Variants in OR3A3 observed in about 807,000 individuals in gnomAD.
OR3A3 encodes the protein olfactory receptor 3A3.
For synonymous variants in OR3A3, 103 were observed against 163.9 expected, an observed-to-expected ratio of 0.63 and a Z score of 2.84; for missense variants, 275 against 391.4, an observed-to-expected ratio of 0.70 and a Z score of 2.51.
intron 2 of OR3A3, among the ~76,000 whole-genome samples, chr17:3,413,630 T>C (rs1316241603): frequency 6.6e-6 from 1 of 152,018 alleles, no homozygotes; most frequent in Admixed American, 6.6e-5. Flanking sequence ...CTGGTCAACA[T>C]GGTGAAACCC....
intron 2 of OR3A3, among the ~76,000 whole-genome samples, chr17:3,418,695 C>T (rs1468910337): frequency 6.6e-6 from 1 of 152,200 alleles, no homozygotes; most frequent in Non-Finnish European, 1.5e-5. Context: ...CCCTGAATTT[C>T]ACTGCCCCAG....
chr17:3,415,524 G>A (rs909993423), intron 2 of OR3A3, among the ~76,000 whole-genome samples: 7 of 142,644 alleles, frequency 4.9e-5, no homozygotes, highest in African/African-American at 2.6e-5. Flanking sequence ...TCATGCCACT[G>A]CACTCCAGCC....
chr17:3,418,999 C>T (rs570927373), intron 2 of OR3A3, among the ~76,000 whole-genome samples: 1 of 152,274 alleles, frequency 6.6e-6, no homozygotes, highest in South Asian at 2.1e-4. Context: ...ATGTAGAACC[C>T]TAACTGCACC....
At chr17:3,417,001 A>G (rs1457719973) in intron 2 of OR3A3, among the ~76,000 whole-genome samples, 1 of 152,010 alleles carries the variant, frequency 6.6e-6, no homozygotes, top group Non-Finnish European at 1.5e-5. Flanking sequence ...CCAGCCTCCA[A>G]TCACCACCAT....
chr17:3,414,363 G>T (rs534569362), intron 2 of OR3A3, among the ~76,000 whole-genome samples: 1 of 152,244 alleles, frequency 6.6e-6, no homozygotes, highest in Admixed American at 6.5e-5. Context: ...GAGCCACCAT[G>T]GCCGGCCAGG....
chr17:3,420,054 A>G (rs1413112211), intron 2 of OR3A3, among the ~76,000 whole-genome samples: 2 of 152,318 alleles, frequency 1.3e-5, no homozygotes, highest in South Asian at 4.1e-4. Context: ...GGCATGAGCC[A>G]CTGCGCCCGG....
chr17:3,421,316 G>A (rs764132532), exon 3 of OR3A3: 4 of 1,614,210 alleles, frequency 2.5e-6, no homozygotes, highest in Non-Finnish European at 3.4e-6. Context: ...TTCTCCACAT[G>A]TGGCTCCCAC....
At chr17:3,418,646 C>G (rs1321614692) in intron 2 of OR3A3, among the ~76,000 whole-genome samples, 1 of 152,176 alleles carries the variant, frequency 6.6e-6, no homozygotes, top group Admixed American at 6.5e-5. Flanking sequence ...TACTACAGCA[C>G]TCTGATTTCT....
rs775956356 is a variant in OR3A3, at chr17:3,421,452, C to T, written c.867C>T (p.Asn289=). Reference sequence around the variant, plus strand: ...TGACTGTGATCAACCCCATGCTGAACCCACTTATCTACAGCCTCAGAAATA... The same window carrying T: ...TGACTGTGATCAACCCCATGCTGAATCCACTTATCTACAGCCTCAGAAATA... The change falls in exon 3 of 3, where the codon AAC becomes AAT. Residue 289 remains asparagine, a synonymous_variant. Coordinates refer to ENST00000641141, the Ensembl canonical transcript of OR3A3. The T allele has an allele frequency of 1.0e-5, 16 of 1,595,608 alleles. No homozygotes were observed. In the East Asian group the frequency reaches 3.6e-4, roughly 36 times the overall value.
exon 3 of OR3A3, chr17:3,421,235 T>C: frequency 1.2e-6 from 2 of 1,614,210 alleles, no homozygotes; most frequent in East Asian, 2.2e-5. Flanking sequence ...TTGGTCTTCA[T>C]CAGTGTGTCC....
At chr17:3,420,502 C>A in intron 2 of OR3A3, 78 bp from the exon 3 acceptor site, 1 of 1,559,936 alleles carries the variant, frequency 6.4e-7, no homozygotes, top group Admixed American at 1.8e-5. Context: ...CGCCACGGGG[C>A]TTTGAACATA....
intron 2 of OR3A3, among the ~76,000 whole-genome samples, chr17:3,418,177 T>C (rs1464337190): frequency 6.6e-6 from 1 of 152,246 alleles, no homozygotes; most frequent in Non-Finnish European, 1.5e-5. Context: ...TTCTGAGTGT[T>C]TGTAGTCTAG....
intron 2 of OR3A3, among the ~76,000 whole-genome samples, chr17:3,417,669 T>C (rs1027193018): frequency 6.6e-6 from 1 of 152,212 alleles, no homozygotes; most frequent in Non-Finnish European, 1.5e-5. Context: ...TTTGTCTTAA[T>C]AGAAAATTCT....
chr17:3,418,223 C>A (rs577462916), intron 2 of OR3A3, among the ~76,000 whole-genome samples: 43 of 152,286 alleles, frequency 2.8e-4, no homozygotes, highest in African/African-American at 9.6e-4. Flanking sequence ...TCTACCCTCC[C>A]CATTTTTTTC....
intron 2 of OR3A3, among the ~76,000 whole-genome samples, chr17:3,416,359 C>T (rs1011791027): frequency 1.5e-4 from 23 of 152,008 alleles, no homozygotes; most frequent in African/African-American, 5.1e-4. Context: ...GGTAAAATTA[C>T]TGAAATAAAT....
intron 2 of OR3A3, among the ~76,000 whole-genome samples, chr17:3,419,164 C>G (rs1023933122): frequency 1.3e-5 from 2 of 152,182 alleles, no homozygotes; most frequent in Non-Finnish European, 2.9e-5. Flanking sequence ...ATTAATTGAA[C>G]AAGGAGTGTT....
rs557695254 is a variant in OR3A3, at chr17:3,420,085, C to T, written c.-6-495C>T. On this transcript the variant is annotated intron_variant, in intron 2 of 2. Transcript: ENST00000641141. ...CCCGGGGAAAATTCTATCTTAATCT[C>T]ACTATATTCAAAAAGGAAGTCTTTT... Among the ~76,000 whole-genome samples, 24 of 152,218 alleles carry T rather than the reference C, an allele frequency of 1.6e-4. No individual in the cohort carries two copies. The East Asian group carries it at 4.4e-3, about 28-fold the overall frequency.
intron 2 of OR3A3, among the ~76,000 whole-genome samples, chr17:3,419,018 A>C (rs2072409408): frequency 6.6e-6 from 1 of 152,178 alleles, no homozygotes; most frequent in Non-Finnish European, 1.5e-5. Context: ...CCTGGCAGCA[A>C]CCAACCCACA....
At chr17:3,412,887 A>T (rs1019532949) in intron 2 of OR3A3, among the ~76,000 whole-genome samples, 1 of 152,162 alleles carries the variant, frequency 6.6e-6, no homozygotes, top group Non-Finnish European at 1.5e-5. Context: ...ACCTCCCCTA[A>T]AGCACACTAA....
Sources: allele counts gnomAD v4.1 joint callset (sites outside exome capture counted in the v4.1 genomes callset), GRCh38; gene constraint gnomAD v4.1.1; transcripts MANE v1.5; gene names NCBI Gene and HGNC (gene_info 2026-07-23, HGNC 2026-07-21).